The following RAB6A variants were observed in gnomAD, a reference collection of about 807,000 sequenced individuals.
RAB6A encodes ras-related protein Rab-6A.
Under a neutral mutation model 32.3 loss-of-function variants are expected in RAB6A, and 8 were observed. The observed-to-expected ratio is 0.25, with a 90% CI of 0.15 to 0.45. The LOEUF (loss-of-function observed/expected upper bound fraction) is 0.45, where lower values mean the gene tolerates loss of function less well. RAB6A is among the 20% of genes least tolerant of loss of function. The probability of loss-of-function intolerance (pLI) is 1.00; values close to 1 mark genes in which losing one functional copy is unlikely to be tolerated. For synonymous variants in RAB6A, 73 were observed against 82.1 expected (o/e 0.89, Z 0.60); for missense variants, 104 against 249.4 (o/e 0.42, Z 3.93).
intron 1 of RAB6A, among the ~76,000 whole-genome samples, chr11:73,746,550 A>C (rs776644082): frequency 2.0e-5 from 3 of 152,082 alleles, no homozygotes; most frequent in East Asian, 3.9e-4. Context: ...CAGGAGGATC[A>C]GTTGAGCACA....
At position 73,736,786 on chromosome 11, in the gene RAB6A, C is replaced by A. The variant is rs564094032; in HGVS notation, c.71-5963G>T. On this transcript the variant is annotated intron_variant, in intron 1 of 7. Transcript: ENST00000336083. ...CAGCCTGTGCAACACAGTGAGACTT[C>A]ATCTCGAGAAAGAAAAAAAAAAGAA... 6.4e-5 allele frequency among the ~76,000 whole-genome samples: 8 copies of A among 124,926 alleles called. No homozygotes were observed. In the East Asian group the frequency reaches 1.9e-3, roughly 29 times the overall value. The allele number at this position is 124,926 out of a possible 152,430, so 82.0% of individuals were successfully genotyped here.
chr11:73,744,892 T>C (rs1482888812), intron 1 of RAB6A, among the ~76,000 whole-genome samples: 1 of 151,528 alleles, frequency 6.6e-6, no homozygotes, highest in African/African-American at 2.4e-5. Flanking sequence ...GGAGAATCGC[T>C]TGAACCCGGG....
chr11:73,727,972 T>A (rs1463491288), intron 2 of RAB6A, among the ~76,000 whole-genome samples: 2 of 152,190 alleles, frequency 1.3e-5, no homozygotes, highest in Admixed American at 1.3e-4. Context: ...ACTTGTTTTC[T>A]TTTTTTAACT....
chr11:73,723,329 A>AT (rs945228693), intron 2 of RAB6A, among the ~76,000 whole-genome samples: 7 of 151,280 alleles, frequency 4.6e-5, no homozygotes, highest in Non-Finnish European at 8.8e-5. Flanking sequence ...ATTTTATTTT[A>AT]TTTATTTATT....
chr11:73,686,455 G>A (rs1188105037), intron 6 of RAB6A, among the ~76,000 whole-genome samples: 1 of 152,152 alleles, frequency 6.6e-6, no homozygotes, highest in African/African-American at 2.4e-5. Context: ...TCAGGAGGCT[G>A]AGGTAGTAAA....
intron 3 of RAB6A, 67 bp downstream of exon 3, chr11:73,720,779 A>G (rs1219321262): frequency 2.5e-6 from 3 of 1,199,814 alleles, no homozygotes; most frequent in Admixed American, 1.9e-5. Context: ...ACAATCATTG[A>G]TAACTTTGAT....
intron 2 of RAB6A, chr11:73,722,339 A>ATTTTTTT (rs1946153350): frequency 9.4e-5 from 1 of 10,676 alleles, no homozygotes; most frequent in African/African-American, 2.1e-4. Flanking sequence ...ATATATATAT[A>ATTTTTTT]TATATTTTTT....
At chr11:73,714,882 C>T (rs1946030405) in intron 5 of RAB6A, among the ~76,000 whole-genome samples, 1 of 152,022 alleles carries the variant, frequency 6.6e-6, no homozygotes, top group South Asian at 2.1e-4. Context: ...AGAAGAATCG[C>T]TTGAACCCAG....
At chr11:73,756,156 C>T (rs530580761) in intron 1 of RAB6A, among the ~76,000 whole-genome samples, 2 of 151,944 alleles carry the variant, frequency 1.3e-5, no homozygotes, top group Admixed American at 6.6e-5. Flanking sequence ...ACTTTGAGAC[C>T]AGCCTGGGCA....
At chr11:73,722,508 ATTT>A (rs1174769954) in intron 2 of RAB6A, 1 of 150,500 alleles carries the variant, frequency 6.6e-6, no homozygotes, top group Non-Finnish European at 1.5e-5. Flanking sequence ...TAATTTCTGT[ATTT>A]TTTTATAGAG....
chr11:73,688,665 C>T (rs1208536981), intron 6 of RAB6A, among the ~76,000 whole-genome samples: 1 of 152,134 alleles, frequency 6.6e-6, no homozygotes, highest in Non-Finnish European at 1.5e-5. Flanking sequence ...AAATATCTTA[C>T]CCCCAAATAA....
At chr11:73,739,373 T>C (rs1946459715) in intron 1 of RAB6A, among the ~76,000 whole-genome samples, 1 of 143,158 alleles carries the variant, frequency 7.0e-6, no homozygotes, top group Admixed American at 7.4e-5. Flanking sequence ...GGTGTCACTA[T>C]ATTGCCCAGG....
chr11:73,733,559 A>AT (rs1565371171), intron 1 of RAB6A, among the ~76,000 whole-genome samples: 71 of 140,474 alleles, frequency 5.1e-4, no homozygotes, highest in African/African-American at 1.6e-3. Flanking sequence ...TCAAAAAAAA[A>AT]AAAATAAATA....
At chr11:73,703,557 C>T (rs973993853) in intron 6 of RAB6A, among the ~76,000 whole-genome samples, 2 of 151,942 alleles carry the variant, frequency 1.3e-5, no homozygotes, top group Admixed American at 6.6e-5. Context: ...GCCTGGCCAA[C>T]GTGGCAAAAC....
At position 73,677,448 on chromosome 11, in the gene RAB6A, G is replaced by A. The variant is rs548120907; in HGVS notation, c.*450C>T. 1.1e-4 allele frequency: 24 copies of A among 219,172 alleles called. No homozygotes were observed. The South Asian group carries it at 3.5e-3, about 32-fold the overall frequency. 13.6% of individuals were successfully genotyped at this position (219,172 alleles called of 1,614,324 possible). A position where few individuals can be genotyped will look rare whatever the true frequency, so the allele number is the denominator to read the frequency against. On this transcript the variant is annotated 3_prime_UTR_variant, in exon 8 of 8. Coordinates refer to ENST00000336083, the MANE Select transcript of RAB6A (RefSeq NM_198896.2). ...TTTGCCATCTCTTGTTTGTTTTGAG[G>A]AAGTCGGGGGAGGCTAGGTAAGAAT... is the stretch of plus-strand genomic sequence containing the variant.
chr11:73,701,967 T>C (rs1945753089), intron 6 of RAB6A, among the ~76,000 whole-genome samples: 1 of 152,020 alleles, frequency 6.6e-6, no homozygotes, highest in Admixed American at 6.6e-5. Flanking sequence ...GTTCTTTACA[T>C]ACAAAAAGTC....
chr11:73,746,224 T>A (rs1457905534), intron 1 of RAB6A, among the ~76,000 whole-genome samples: 2 of 152,058 alleles, frequency 1.3e-5, no homozygotes, highest in Non-Finnish European at 2.9e-5. Context: ...AATTTTCTAA[T>A]TTATAGTAAG....
At chr11:73,735,449 G>T (rs372962879) in intron 1 of RAB6A, among the ~76,000 whole-genome samples, 1 of 152,186 alleles carries the variant, frequency 6.6e-6, no homozygotes, top group Non-Finnish European at 1.5e-5. Context: ...TTAAGTCAGA[G>T]AGACAAAAAG....
chr11:73,730,868 T>TGTAA, intron 1 of RAB6A, 45 bp from the exon 2 acceptor site: 1 of 1,486,884 alleles, frequency 6.7e-7, no homozygotes, highest in South Asian at 1.3e-5. Context: ...ACACATTACA[T>TGTAA]TGGGTTCTCA....
Sources: gnomAD v4.1 joint callset for allele counts (sites outside exome capture counted in the v4.1 genomes callset) on GRCh38, gnomAD v4.1.1 for gene constraint, MANE v1.5 for transcripts, NCBI Gene and HGNC (gene_info 2026-07-23, HGNC 2026-07-21) for gene names.